AUTS2: variants seen among roughly 807,000 people sequenced by gnomAD.
The protein encoded by AUTS2 is autism susceptibility gene 2 protein.
Under a neutral mutation model 112.4 loss-of-function variants are expected in AUTS2, and 17 were observed. That is an observed-to-expected ratio of 0.15 (90% CI 0.10 to 0.23). The LOEUF (loss-of-function observed/expected upper bound fraction) is 0.23. Ranked by LOEUF, AUTS2 falls within the 10% of genes least tolerant of loss-of-function variation. AUTS2 has a pLI of 1.00. For missense variants in AUTS2, 1,510 were observed against 1,701.6 expected, an observed-to-expected ratio of 0.89 and a Z score of 1.98; for synonymous variants, 751 against 702.7, an observed-to-expected ratio of 1.07 and a Z score of -1.09.
intron 4 of AUTS2, among the ~76,000 whole-genome samples, chr7:70,284,204 A>G (rs1788354778): frequency 6.6e-6 from 1 of 152,222 alleles, no homozygotes; most frequent in Admixed American, 6.5e-5. Context: ...TTTCACATCA[A>G]TACATAATCT....
At chr7:70,135,549 G>T (rs1193366956) in intron 4 of AUTS2, among the ~76,000 whole-genome samples, 1 of 151,972 alleles carries the variant, frequency 6.6e-6, no homozygotes, top group African/African-American at 2.4e-5. Flanking sequence ...TTCTGCCCAC[G>T]TATTTCTCTC....
At chr7:69,926,490 T>TCTATCTATCTATCTGC (rs1185466695) in intron 2 of AUTS2, among the ~76,000 whole-genome samples, 1 of 148,650 alleles carries the variant, frequency 6.7e-6, no homozygotes, top group Non-Finnish European at 1.5e-5. Flanking sequence ...TATCTATCTA[T>TCTATCTATCTATCTGC]CTGCCTGCCT....
At chr7:70,369,585 G>T (rs1792745180) in intron 4 of AUTS2, among the ~76,000 whole-genome samples, 1 of 152,122 alleles carries the variant, frequency 6.6e-6, no homozygotes, top group Non-Finnish European at 1.5e-5. Flanking sequence ...GCAAGAAGGA[G>T]AGTGGCCAGA....
chr7:69,830,660 G>A (rs907240703), intron 1 of AUTS2, among the ~76,000 whole-genome samples: 4 of 152,136 alleles, frequency 2.6e-5, no homozygotes, highest in Non-Finnish European at 5.9e-5. Flanking sequence ...TTAAATGAGT[G>A]TCCCAGATAG....
intron 6 of AUTS2, among the ~76,000 whole-genome samples, chr7:70,751,172 TG>T (rs1788819090): frequency 6.6e-6 from 1 of 152,198 alleles, no homozygotes; most frequent in African/African-American, 2.4e-5. Flanking sequence ...TGACCAGGGC[TG>T]GATTAGCCTC....
chr7:69,684,460 T>A (rs773964035), intron 1 of AUTS2, among the ~76,000 whole-genome samples: 123 of 152,206 alleles, frequency 8.1e-4, no homozygotes, highest in Non-Finnish European at 1.4e-3. Flanking sequence ...TGTTTTTTGA[T>A]GAATGATTAA....
intron 6 of AUTS2, among the ~76,000 whole-genome samples, chr7:70,708,794 T>C (rs1227094642): frequency 6.6e-6 from 1 of 152,158 alleles, no homozygotes; most frequent in East Asian, 1.9e-4. Context: ...ATTGATGCTA[T>C]TGTTATATGA....
intron 1 of AUTS2, among the ~76,000 whole-genome samples, chr7:69,727,522 G>A (rs575865536): frequency 5.9e-5 from 9 of 152,112 alleles, no homozygotes; most frequent in South Asian, 2.1e-4. Flanking sequence ...CCTGGGAGGC[G>A]GAGGTTGCAG....
chr7:69,931,729 C>T (rs1286237416), intron 2 of AUTS2, among the ~76,000 whole-genome samples: 1 of 152,144 alleles, frequency 6.6e-6, no homozygotes, highest in Non-Finnish European at 1.5e-5. Context: ...CCCATCTGCA[C>T]TCTGACCTAT....
chr7:70,761,044 C>T (rs1477838152), intron 6 of AUTS2, among the ~76,000 whole-genome samples: 3 of 152,178 alleles, frequency 2.0e-5, no homozygotes, highest in Non-Finnish European at 4.4e-5. Flanking sequence ...TGCATGTTAT[C>T]GGTTTGATCT....
At chr7:70,490,487 C>A (rs1414064079) in intron 5 of AUTS2, among the ~76,000 whole-genome samples, 1 of 151,786 alleles carries the variant, frequency 6.6e-6, no homozygotes, top group Non-Finnish European at 1.5e-5. Context: ...AAGATGTGAA[C>A]CAGAATTGTT....
intron 5 of AUTS2, among the ~76,000 whole-genome samples, chr7:70,607,088 A>T (rs1436961016): frequency 6.6e-6 from 1 of 152,060 alleles, no homozygotes; most frequent in Admixed American, 6.6e-5. Context: ...TCTCTTCTTG[A>T]TGAGGCCCAG....
At chr7:70,293,689 A>G (rs1788806865) in intron 4 of AUTS2, 1 of 152,140 alleles carries the variant, frequency 6.6e-6, no homozygotes, top group African/African-American at 2.4e-5. Flanking sequence ...GTGTGCACCA[A>G]TGTCCTCGTC....
At chr7:70,399,773 A>G (rs184863464) in intron 4 of AUTS2, among the ~76,000 whole-genome samples, 364 of 152,164 alleles carry the variant, frequency 2.4e-3, no homozygotes, top group Admixed American at 7.3e-3. Context: ...AAATAAAATA[A>G]AATAAAAATA....
At chr7:70,255,010 C>T (rs1264491492) in intron 4 of AUTS2, among the ~76,000 whole-genome samples, 1 of 151,540 alleles carries the variant, frequency 6.6e-6, no homozygotes, top group Non-Finnish European at 1.5e-5. Context: ...GAAGCTGGTT[C>T]CTTTCACCCA....
intron 2 of AUTS2, among the ~76,000 whole-genome samples, chr7:69,928,243 G>A (rs1396973647): frequency 2.6e-5 from 4 of 152,146 alleles, no homozygotes; most frequent in Non-Finnish European, 5.9e-5. Flanking sequence ...AGCCATGGGT[G>A]GGCCTGGAAA....
chr7:69,978,342 A>C (rs1005914879), intron 2 of AUTS2, among the ~76,000 whole-genome samples: 1 of 152,178 alleles, frequency 6.6e-6, no homozygotes, highest in Admixed American at 6.5e-5. Context: ...TTGACAATGC[A>C]TTTTTGTAAT....
chr7:70,079,429 G>C (rs915685038), intron 2 of AUTS2, among the ~76,000 whole-genome samples: 1 of 152,064 alleles, frequency 6.6e-6, no homozygotes, highest in Non-Finnish European at 1.5e-5. Flanking sequence ...TTAAACCCAG[G>C]AGATGGAGGT....
intron 1 of AUTS2, among the ~76,000 whole-genome samples, chr7:69,711,305 G>A (rs1440998673): frequency 1.3e-5 from 2 of 152,082 alleles, no homozygotes; most frequent in Non-Finnish European, 2.9e-5. Flanking sequence ...GGGCTTCATA[G>A]GATGTTAAAA....
Sources: allele counts gnomAD v4.1 joint callset (sites outside exome capture counted in the v4.1 genomes callset), GRCh38; gene constraint gnomAD v4.1.1; transcripts MANE v1.5; gene names NCBI Gene and HGNC (gene_info 2026-07-23, HGNC 2026-07-21).